MTMR8: variants seen among roughly 807,000 people sequenced by gnomAD.
The protein encoded by MTMR8 is myotubularin related protein 8.
In MTMR8, 65 loss-of-function variants were observed where a neutral mutation model predicts 39.3. The ratio of observed to expected loss-of-function variants is 1.65; its 90% CI spans 1.35 to 2.03. MTMR8 has a LOEUF of 2.03. MTMR8 is among the 30% of genes most tolerant of loss of function. MTMR8 has a pLI of 0.00. For missense variants in MTMR8, 777 were observed against 538.9 expected (o/e 1.44, Z -4.37); for synonymous variants, 245 against 185.2 (o/e 1.32, Z -2.62).
In MTMR8 at chrX:64,354,767, AC is replaced by A. The variant is rs1479261506; in HGVS notation, c.468+9del. 1 of 1,163,817 alleles carries A rather than the reference AC, an allele frequency of 8.6e-7. No individual in the cohort carries two copies. Among genetic ancestry groups the A allele is most frequent in the African/African-American group, 1.8e-5 (1 of 55,091 alleles). Reference sequence around the variant, plus strand: ...ATGCACCAAAAGGCAAACAACAAGGACAAAATTACCTCATAGTTTCTGTTGG... The same window carrying A: ...ATGCACCAAAAGGCAAACAACAAGGAAAAATTACCTCATAGTTTCTGTTGG... On this transcript the variant is annotated intron_variant, in intron 4 of 13. Coordinates refer to ENST00000374852, the MANE Select transcript of MTMR8 (RefSeq NM_017677.4).
In MTMR8 at chrX:64,324,117, C is replaced by A. The variant is rs746768602; in HGVS notation, c.1481+4655G>T. Reference sequence around the variant, plus strand: ...GTAGCTTATGCCTATAATCCCAGCACTTTTGGGGGGGCCAAAGTGGGAGGA... The same window carrying A: ...GTAGCTTATGCCTATAATCCCAGCAATTTTGGGGGGGCCAAAGTGGGAGGA... On this transcript the variant is annotated intron_variant, in intron 12 of 13. Coordinates refer to ENST00000374852, the MANE Select transcript of MTMR8 (RefSeq NM_017677.4). 3.6e-5 allele frequency among the ~76,000 whole-genome samples: 4 copies of A among 112,621 alleles called. No individual in the cohort carries two copies. The South Asian group carries it at 1.1e-3, about 31-fold the overall frequency.
intron 1 of MTMR8, among the ~76,000 whole-genome samples, chrX:64,371,460 A>G (rs766933954): frequency 1.8e-5 from 2 of 112,181 alleles, no homozygotes; most frequent in East Asian, 2.8e-4. Flanking sequence ...TTGCAATGCT[A>G]TATCACGTTT....
At chrX:64,359,900 C>A in intron 1 of MTMR8, among the ~76,000 whole-genome samples, 2 of 90,903 alleles carry the variant, frequency 2.2e-5, no homozygotes, top group African/African-American at 9.4e-5. Context: ...GAAGATAGAT[C>A]TTACGTTACA....
At chrX:64,273,295 CAT>C (rs1205095894) in intron 12 of MTMR8, among the ~76,000 whole-genome samples, 1 of 109,494 alleles carries the variant, frequency 9.1e-6, no homozygotes, top group Non-Finnish European at 1.9e-5. Flanking sequence ...ACATGAATAA[CAT>C]AGAGAAGAAG....
rs903526193 is a variant in MTMR8 at position 64,298,642 on chromosome X, T to A, written c.1482-27569A>T. Among the ~76,000 whole-genome samples the A allele has an allele frequency of 9.4e-5, 9 of 95,906 alleles. 1 individual carries two copies. The highest frequency in any genetic ancestry group is 1.8e-4 in the African/African-American group (3 of 16,533). The allele number at this position is 95,906 out of a possible 115,157, so 83.3% of individuals were successfully genotyped here. ...TGAATAGGAGTGGTGAGAGAGGGCA[T>A]CCCTGTCTGTTGCCAGTTTTCAAAG... is the stretch of plus-strand genomic sequence containing the variant. On this transcript the variant is annotated intron_variant, in intron 12 of 13. Coordinates refer to ENST00000374852, the MANE Select transcript of MTMR8 (RefSeq NM_017677.4).
At chrX:64,368,069 A>C (rs997979061) in intron 1 of MTMR8, among the ~76,000 whole-genome samples, 1 of 111,969 alleles carries the variant, frequency 8.9e-6, no homozygotes, top group Non-Finnish European at 1.9e-5. Flanking sequence ...GGACCTCTTC[A>C]TTGACAACTA....
chrX:64,324,589 G>A (rs186622614), intron 12 of MTMR8, among the ~76,000 whole-genome samples: 1 of 110,189 alleles, frequency 9.1e-6, no homozygotes, highest in Admixed American at 9.7e-5. Flanking sequence ...GGGAGCTGAG[G>A]CAGGAGGATC....
chrX:64,283,219 G>A (rs183226441), intron 12 of MTMR8, among the ~76,000 whole-genome samples: 36 of 111,867 alleles, frequency 3.2e-4, no homozygotes, highest in East Asian at 2.5e-3. Flanking sequence ...AAAAAGCCTC[G>A]CTCATTGCTA....
intron 1 of MTMR8, among the ~76,000 whole-genome samples, chrX:64,372,999 C>T (rs1293227): frequency 0.022 from 2,405 of 111,571 alleles, 18 homozygotes; most frequent in Middle Eastern, 0.056. Flanking sequence ...GGAAGTATGT[C>T]CAAGCCAAAA....
chrX:64,302,121 T>A (rs1921905072), intron 12 of MTMR8, among the ~76,000 whole-genome samples: 1 of 112,865 alleles, frequency 8.9e-6, no homozygotes, highest in African/African-American at 3.2e-5. Flanking sequence ...GCTGCTTTGT[T>A]TACCTGAGCA....
intron 8 of MTMR8, among the ~76,000 whole-genome samples, chrX:64,341,217 G>T (rs777942648): frequency 8.9e-6 from 1 of 111,809 alleles, no homozygotes. Flanking sequence ...GGTAGCTTAC[G>T]CCTGTAATCC....
chrX:64,337,960 C>T (rs1038244456), intron 8 of MTMR8, among the ~76,000 whole-genome samples: 2 of 111,953 alleles, frequency 1.8e-5, no homozygotes, highest in Non-Finnish European at 3.8e-5. Context: ...TTTATTCATT[C>T]TAACAATTTT....
At chrX:64,304,857 CATTTATATATATATAT>C (rs1442815601) in intron 12 of MTMR8, among the ~76,000 whole-genome samples, 1 of 28,236 alleles carries the variant, frequency 3.5e-5, no homozygotes, top group Non-Finnish European at 7.5e-5. Context: ...ATGGATCAAA[CATTTATATATATATAT>C]ATATATATAT....
chrX:64,313,390 T>C (rs1214260322), intron 12 of MTMR8, among the ~76,000 whole-genome samples: 1 of 112,894 alleles, frequency 8.9e-6, no homozygotes, highest in Non-Finnish European at 1.9e-5. Context: ...TGCAGCTTCC[T>C]CACTTTTCTC....
In MTMR8 at chrX:64,321,385, T is replaced by C. The variant is rs1922640453; in HGVS notation, c.1481+7387A>G. Among the ~76,000 whole-genome samples the C allele has an allele frequency of 2.7e-5, 3 of 111,062 alleles. No homozygotes were observed. In the Admixed American group the frequency reaches 2.9e-4, roughly 11 times the overall value. On this transcript the variant is annotated intron_variant, in intron 12 of 13. Transcript: ENST00000374852. ...GATAGCATCAATAAAGAGACAGAAA[T>C]AATAAAAACAAAACAAAACAGAAAT...
At chrX:64,290,668 T>A (rs1261157116) in intron 12 of MTMR8, among the ~76,000 whole-genome samples, 1 of 111,470 alleles carries the variant, frequency 9.0e-6, no homozygotes, top group Non-Finnish European at 1.9e-5. Context: ...TAACCATTAA[T>A]CTGTTCTCTA....
intron 1 of MTMR8, among the ~76,000 whole-genome samples, chrX:64,378,412 G>T (rs1924326253): frequency 1.8e-5 from 2 of 111,157 alleles, no homozygotes; most frequent in South Asian, 7.6e-4. Flanking sequence ...GTAGAGAAAA[G>T]TTCTTACTAT....
chrX:64,283,346 C>T (rs949578029), intron 12 of MTMR8, among the ~76,000 whole-genome samples: 9 of 112,070 alleles, frequency 8.0e-5, no homozygotes, highest in South Asian at 3.7e-4. Context: ...ATGGGTGGAG[C>T]GCACTGCAGC....
chrX:64,341,434 G>A (rs1368131782), intron 8 of MTMR8, among the ~76,000 whole-genome samples: 3 of 99,874 alleles, frequency 3.0e-5, no homozygotes, highest in Non-Finnish European at 4.0e-5. Flanking sequence ...AACCGAGATC[G>A]TGCCACTGCA....
Sources: allele counts gnomAD v4.1 joint callset (sites outside exome capture counted in the v4.1 genomes callset), GRCh38; gene constraint gnomAD v4.1.1; transcripts MANE v1.5; gene names NCBI Gene and HGNC (gene_info 2026-07-23, HGNC 2026-07-21).